COL24A1: variants seen among roughly 807,000 people sequenced by gnomAD.
The protein encoded by COL24A1 is collagen type XXIV alpha 1 chain, also known as collagen alpha-1(XXIV) chain.
Under a neutral mutation model 253.9 loss-of-function variants are expected in COL24A1, and 224 were observed. The observed-to-expected ratio is 0.88, with a 90% CI of 0.79 to 0.99. COL24A1 has a LOEUF of 0.99. Ranked by LOEUF, COL24A1 falls within the 50% of genes least tolerant of loss-of-function variation. The pLI is 0.00. For synonymous variants in COL24A1, 685 were observed against 673.7 expected (o/e 1.02, Z -0.26); for missense variants, 2,131 against 2,068.5 (o/e 1.03, Z -0.59).
chr1:85,907,089 T>G, intron 28 of COL24A1, 105 bp downstream of exon 28: 1 of 844,700 alleles, frequency 1.2e-6, no homozygotes, highest in South Asian at 1.7e-5. Context: ...TGACAAGATC[T>G]AAGCAGAATT....
chr1:85,961,231 A>G lies in COL24A1; in HGVS notation c.2562+18T>C. ...TGCTTACAGCTGATTAAAAAATAAG[A>G]GCATAAAATAAGCTTACTGTTTCAC... On this transcript the variant is annotated intron_variant, in intron 24 of 59. Coordinates refer to ENST00000370571, the MANE Select transcript of COL24A1 (RefSeq NM_152890.7). The G allele has an allele frequency of 6.4e-7, 1 of 1,551,054 alleles. No individual in the cohort carries two copies. Among genetic ancestry groups the G allele is most frequent in the Non-Finnish European group, 8.9e-7 (1 of 1,124,460 alleles).
chr1:85,998,214 T>G (rs1389497161), intron 19 of COL24A1, among the ~76,000 whole-genome samples: 1 of 152,222 alleles, frequency 6.6e-6, no homozygotes. Context: ...TGCTGTTTCC[T>G]CTGGCTGGAA....
intron 43 of COL24A1, among the ~76,000 whole-genome samples, chr1:85,825,494 A>C (rs970634967): frequency 1.3e-5 from 2 of 152,194 alleles, no homozygotes; most frequent in Non-Finnish European, 2.9e-5. Context: ...CTGAGGAATC[A>C]CCACACTGAC....
intron 42 of COL24A1, 73 bp from the exon 43 acceptor site, chr1:85,838,711 T>C: frequency 1.5e-6 from 2 of 1,350,406 alleles, no homozygotes; most frequent in African/African-American, 1.4e-5. Flanking sequence ...GTGATAAGAT[T>C]AGTGTTGTTT....
At chr1:86,053,581 C>G (rs904314229) in intron 10 of COL24A1, among the ~76,000 whole-genome samples, 1 of 151,894 alleles carries the variant, frequency 6.6e-6, no homozygotes. Flanking sequence ...CATGTTTTTG[C>G]TTTTTGGTTT....
chr1:85,798,356 A>G (rs956129756), intron 47 of COL24A1, among the ~76,000 whole-genome samples: 3 of 152,042 alleles, frequency 2.0e-5, no homozygotes, highest in Non-Finnish European at 4.4e-5. Flanking sequence ...ATGAGTAGAA[A>G]ATGGGCCAAA....
In COL24A1 at chr1:85,908,653, T is replaced by A; in HGVS notation, c.2671-2A>T. On this transcript the variant is annotated splice_acceptor_variant, in intron 26 of 59. Transcript: ENST00000370571. LOFTEE classifies it high-confidence loss of function. ...AACCCCAGGAGGACCTGGATATCCC[T>A]ATAATTTAAGGAAAATATAAAAGAA... 1 of 1,379,768 alleles carries A rather than the reference T, an allele frequency of 7.2e-7. No homozygotes were observed. Among genetic ancestry groups the A allele is most frequent in the Non-Finnish European group, 9.7e-7 (1 of 1,032,930 alleles). 85.5% of individuals were successfully genotyped at this position (1,379,768 alleles called of 1,614,324 possible).
chr1:86,050,788 A>T (rs1486312732), intron 10 of COL24A1, among the ~76,000 whole-genome samples: 1 of 152,152 alleles, frequency 6.6e-6, no homozygotes, highest in Non-Finnish European at 1.5e-5. Context: ...GCCTTAATAA[A>T]GATTCCAATC....
chr1:86,067,149 A>G (rs1701555016), intron 7 of COL24A1, among the ~76,000 whole-genome samples: 1 of 138,034 alleles, frequency 7.2e-6, no homozygotes, highest in Non-Finnish European at 1.6e-5. Flanking sequence ...AAAAAAGAAG[A>G]AAAAAAAAAA....
Position 85,766,877 on chromosome 1 carries a change from G to A in COL24A1, c.4375-5311C>T, listed in dbSNP as rs913845244. The stretch of plus-strand genomic sequence containing the variant: ...TCCCAGAACTTTGGGAGGCTGAGGC[G>A]GGCAGATCACGAGGTCAGGAGATCA... On this transcript the variant is annotated intron_variant, in intron 53 of 59. Transcript: ENST00000370571. Among the ~76,000 whole-genome samples, 6 of 152,124 alleles carry A rather than the reference G, an allele frequency of 3.9e-5. No homozygotes were observed. The South Asian group carries it at 6.2e-4, about 16-fold the overall frequency.
chr1:85,768,501 G>A (rs139126656), intron 53 of COL24A1, among the ~76,000 whole-genome samples: 3 of 150,896 alleles, frequency 2.0e-5, no homozygotes, highest in African/African-American at 7.3e-5. Context: ...AAGAATGAGA[G>A]ATGGATTGAG....
At chr1:85,955,530 C>T (rs1690356139) in intron 24 of COL24A1, among the ~76,000 whole-genome samples, 1 of 152,226 alleles carries the variant, frequency 6.6e-6, no homozygotes, top group African/African-American at 2.4e-5. Flanking sequence ...AACACTCAAC[C>T]CTAGATGCTG....
At chr1:85,874,501 CT>C (rs1680904264) in intron 35 of COL24A1, 147 bp downstream of exon 35, 2 of 713,910 alleles carry the variant, frequency 2.8e-6, no homozygotes, top group Admixed American at 5.8e-5. Flanking sequence ...TGGGATGCAG[CT>C]TTTGAAAGTA....
At chr1:86,021,261 T>A (rs1697516328) in intron 18 of COL24A1, among the ~76,000 whole-genome samples, 1 of 152,214 alleles carries the variant, frequency 6.6e-6, no homozygotes, top group Non-Finnish European at 1.5e-5. Context: ...TGTATAATCA[T>A]CTCTACCTTT....
At chr1:85,970,858 T>G (rs1034810783) in intron 21 of COL24A1, among the ~76,000 whole-genome samples, 2 of 152,206 alleles carry the variant, frequency 1.3e-5, no homozygotes, top group African/African-American at 4.8e-5. Flanking sequence ...ATAAATCATT[T>G]AATGAATTCA....
At chr1:86,092,171 G>T (rs1403868603) in intron 6 of COL24A1, 96 bp downstream of exon 6, 7 of 910,672 alleles carry the variant, frequency 7.7e-6, no homozygotes, top group Middle Eastern at 3.4e-4. Flanking sequence ...TTTTTTTCCT[G>T]TCTGATACAG....
At chr1:86,149,147 A>G (rs968899027) in intron 1 of COL24A1, among the ~76,000 whole-genome samples, 3 of 152,182 alleles carry the variant, frequency 2.0e-5, no homozygotes, top group Non-Finnish European at 4.4e-5. Context: ...TGCCTGCTTC[A>G]GCCTCCCAAA....
intron 10 of COL24A1, among the ~76,000 whole-genome samples, chr1:86,050,439 C>T (rs1053400154): frequency 9.2e-5 from 14 of 151,772 alleles, no homozygotes; most frequent in African/African-American, 2.7e-4. Context: ...AATTTTATAG[C>T]GGGCAGAAAA....
At chr1:86,108,185 T>G (rs558013489) in intron 5 of COL24A1, among the ~76,000 whole-genome samples, 3 of 152,322 alleles carry the variant, frequency 2.0e-5, no homozygotes, top group Admixed American at 2.0e-4. Context: ...TTTTAAAATT[T>G]ATTTTTGATA....
Sources: allele counts gnomAD v4.1 joint callset (sites outside exome capture counted in the v4.1 genomes callset), GRCh38; gene constraint gnomAD v4.1.1; transcripts MANE v1.5; gene names NCBI Gene and HGNC (gene_info 2026-07-23, HGNC 2026-07-21).